Variants in NCALD observed in about 807,000 individuals in gnomAD.
The protein encoded by NCALD is neurocalcin delta, also known as neurocalcin-delta.
A neutral mutation model predicts 18.6 loss-of-function variants in NCALD; 10 were observed. The observed-to-expected ratio is 0.54, with a 90% CI of 0.33 to 0.91. The LOEUF is 0.91. NCALD is among the 40% of genes least tolerant of loss of function. The probability of loss-of-function intolerance (pLI) is 0.03; values close to 1 mark genes in which losing one functional copy is unlikely to be tolerated. For missense variants in NCALD, 184 were observed against 247.6 expected (o/e 0.74, Z 1.72); for synonymous variants, 88 against 87.4 (o/e 1.01, Z -0.04).
intron 1 of NCALD, among the ~76,000 whole-genome samples, chr8:102,022,055 G>A (rs1302645504): frequency 6.6e-6 from 1 of 152,170 alleles, no homozygotes; most frequent in Non-Finnish European, 1.5e-5. Context: ...GAGCTTCAGT[G>A]CAGGGGACTA....
chr8:101,896,510 C>A (rs1474030736), intron 3 of NCALD, among the ~76,000 whole-genome samples: 1 of 151,772 alleles, frequency 6.6e-6, no homozygotes, highest in Non-Finnish European at 1.5e-5. Context: ...ACAAAATTGA[C>A]AAATGGGATC....
chr8:101,783,673 G>C (rs1812107579), intron 1 of NCALD, among the ~76,000 whole-genome samples: 2 of 152,198 alleles, frequency 1.3e-5, no homozygotes, highest in Admixed American at 6.5e-5. Flanking sequence ...GATGATACGA[G>C]TACTGCCATC....
chr8:101,779,163 G>A (rs1423838821), intron 1 of NCALD, among the ~76,000 whole-genome samples: 1 of 151,968 alleles, frequency 6.6e-6, no homozygotes, highest in Admixed American at 6.6e-5. Flanking sequence ...CTATTATTTT[G>A]AAAAAAATTA....
intron 1 of NCALD, among the ~76,000 whole-genome samples, chr8:102,087,802 C>A (rs1419908897): frequency 1.3e-5 from 2 of 152,110 alleles, no homozygotes; most frequent in African/African-American, 4.8e-5. Context: ...GATCCCTTCA[C>A]AACTGACAAG....
At chr8:102,049,578 T>C (rs1164389476) in intron 1 of NCALD, among the ~76,000 whole-genome samples, 1 of 152,186 alleles carries the variant, frequency 6.6e-6, no homozygotes, top group Non-Finnish European at 1.5e-5. Context: ...CGCTAGATTA[T>C]ATGGTTTGAG....
At chr8:101,904,795 A>G (rs1817555805) in intron 3 of NCALD, among the ~76,000 whole-genome samples, 1 of 152,152 alleles carries the variant, frequency 6.6e-6, no homozygotes, top group African/African-American at 2.4e-5. Flanking sequence ...AGGTTGCCAA[A>G]CGCAATGGCT....
At chr8:101,974,442 C>T (rs1268087613) in intron 2 of NCALD, among the ~76,000 whole-genome samples, 1 of 152,106 alleles carries the variant, frequency 6.6e-6, no homozygotes, top group African/African-American at 2.4e-5. Flanking sequence ...GGAGCCACCC[C>T]ATGTGACATA....
intron 2 of NCALD, among the ~76,000 whole-genome samples, chr8:101,946,767 T>C (rs950057694): frequency 7.4e-6 from 1 of 134,730 alleles, no homozygotes; most frequent in Non-Finnish European, 1.5e-5. Context: ...TGAAATAGCA[T>C]TGAAAACAAA....
intron 2 of NCALD, among the ~76,000 whole-genome samples, chr8:101,705,282 GTGAA>G (rs1586252595): frequency 6.7e-6 from 1 of 149,762 alleles, no homozygotes; most frequent in East Asian, 2.0e-4. Context: ...AATAAATAAA[GTGAA>G]TGAGGAGATA....
intron 1 of NCALD, among the ~76,000 whole-genome samples, chr8:102,024,470 G>A (rs2132113843): frequency 6.6e-6 from 1 of 152,284 alleles, no homozygotes; most frequent in East Asian, 1.9e-4. Flanking sequence ...CATTTACTGG[G>A]TATAAATCAA....
At chr8:101,691,839 G>A in intron 3 of NCALD, 1 of 985,416 alleles carries the variant, frequency 1.0e-6, no homozygotes, top group Non-Finnish European at 1.2e-6. Context: ...GCCAGGTGGG[G>A]GACCCAAGTG....
intron 4 of NCALD, among the ~76,000 whole-genome samples, chr8:101,824,661 T>C (rs1455334349): frequency 1.3e-5 from 2 of 152,150 alleles, no homozygotes; most frequent in Middle Eastern, 3.2e-3. Flanking sequence ...ACTCTTTTAC[T>C]TCATCTTGAC....
At chr8:101,774,830 A>G (rs2130916787) in intron 1 of NCALD, among the ~76,000 whole-genome samples, 1 of 152,320 alleles carries the variant, frequency 6.6e-6, no homozygotes, top group Non-Finnish European at 1.5e-5. Context: ...TCTATCTACT[A>G]TAAGCTGAAT....
chr8:101,691,895 C>T (rs955522651), intron 3 of NCALD: 6 of 985,274 alleles, frequency 6.1e-6, no homozygotes, highest in South Asian at 4.7e-5. Flanking sequence ...CTGAACAGAT[C>T]GGGTGAGCTG....
At chr8:101,869,820 T>C (rs148292344) in intron 4 of NCALD, among the ~76,000 whole-genome samples, 94 of 152,334 alleles carry the variant, frequency 6.2e-4, no homozygotes, top group Middle Eastern at 3.4e-3. Flanking sequence ...TTAATCCTCA[T>C]ATTTATGTAT....
intron 4 of NCALD, among the ~76,000 whole-genome samples, chr8:101,835,160 A>G (rs1175631636): frequency 6.6e-6 from 1 of 152,280 alleles, no homozygotes; most frequent in Non-Finnish European, 1.5e-5. Context: ...GTTAGGTACC[A>G]TCGGATGCTG....
intron 4 of NCALD, among the ~76,000 whole-genome samples, chr8:101,876,178 A>C (rs1246229087): frequency 6.6e-6 from 1 of 152,238 alleles, no homozygotes; most frequent in East Asian, 1.9e-4. Flanking sequence ...TTGCTATTCT[A>C]ATTTGGAGAA....
chr8:102,017,964 G>T (rs1027987056), intron 2 of NCALD, among the ~76,000 whole-genome samples: 4 of 152,106 alleles, frequency 2.6e-5, no homozygotes, highest in African/African-American at 4.8e-5. Context: ...AAGAAGATAC[G>T]CAGATGGCAA....
In NCALD at chr8:102,027,400, G is replaced by A. The variant is rs147181217; in HGVS notation, c.-209-7111C>T. On this transcript the variant is annotated intron_variant, in intron 1 of 6. Transcript: ENST00000311028. ...GATCTCTGGGACGGGGCAAAATGCCGCCAGTTTCTTTACATAGCAAGAATG... is the reference window on the plus strand; with the variant it reads ...GATCTCTGGGACGGGGCAAAATGCCACCAGTTTCTTTACATAGCAAGAATG... Among the ~76,000 whole-genome samples the A allele has an allele frequency of 5.6e-3, 853 of 152,276 alleles. 12 individuals are homozygous for A. Among genetic ancestry groups the A allele is most frequent in the African/African-American group, 0.019 (796 of 41,552 alleles).
Sources: allele counts gnomAD v4.1 joint callset (sites outside exome capture counted in the v4.1 genomes callset), GRCh38; gene constraint gnomAD v4.1.1; transcripts MANE v1.5; gene names NCBI Gene and HGNC (gene_info 2026-07-23, HGNC 2026-07-21).